CSMD1: variants seen among roughly 807,000 people sequenced by gnomAD.
The protein encoded by CSMD1 is CUB and sushi domain-containing protein 1.
Under a neutral mutation model 417.5 loss-of-function variants are expected in CSMD1, and 213 were observed. That is an observed-to-expected ratio of 0.51 (90% CI 0.46 to 0.57). The LOEUF (loss-of-function observed/expected upper bound fraction) is 0.57. Among genes scored for constraint, CSMD1 ranks in the 20% least tolerant of loss-of-function variants. The pLI is 0.00. For missense variants in CSMD1, 6,923 were observed against 4,529.7 expected (o/e 1.53, Z -15.17); for synonymous variants, 2,862 against 1,736.8 (o/e 1.65, Z -16.11).
rs537450583 is a variant in CSMD1 at position 4,372,732 on chromosome 8, A to C, written c.415+47221T>G. ...AGAGTTCTCACTGTCCAAACCTAGA[A>C]AATGGAGGCAAAAGAAAAAAAAAAA... On this transcript the variant is annotated intron_variant, in intron 3 of 69. Coordinates refer to ENST00000635120, the MANE Select transcript of CSMD1 (RefSeq NM_033225.6). 1.7e-4 allele frequency among the ~76,000 whole-genome samples: 22 copies of C among 132,606 alleles called. No homozygotes were observed. In the East Asian group the frequency reaches 4.4e-3, roughly 26 times the overall value. 87.0% of individuals were successfully genotyped at this position (132,606 alleles called of 152,430 possible).
At chr8:3,477,566 G>A (rs1315161371) in intron 11 of CSMD1, among the ~76,000 whole-genome samples, 1 of 152,162 alleles carries the variant, frequency 6.6e-6, no homozygotes, top group East Asian at 1.9e-4. Flanking sequence ...TTCCTCTTGA[G>A]GATGGAGTAA....
chr8:4,909,182 C>G (rs2028237), intron 1 of CSMD1, among the ~76,000 whole-genome samples: 36,519 of 152,030 alleles, frequency 0.24, 5,086 homozygotes, highest in East Asian at 0.52. Flanking sequence ...CTGTAATCCA[C>G]TCTTATAATG....
chr8:3,495,584 G>C (rs565405710), intron 10 of CSMD1, among the ~76,000 whole-genome samples: 2 of 152,342 alleles, frequency 1.3e-5, no homozygotes, highest in African/African-American at 4.8e-5. Flanking sequence ...CTGATGCTCA[G>C]TAAAAACAGA....
intron 8 of CSMD1, among the ~76,000 whole-genome samples, chr8:3,590,814 C>G (rs916511717): frequency 2.0e-5 from 3 of 152,022 alleles, no homozygotes; most frequent in Non-Finnish European, 4.4e-5. Context: ...TAAATAAGAC[C>G]CCAATTCTAA....
intron 11 of CSMD1, among the ~76,000 whole-genome samples, chr8:3,482,350 A>C (rs1024920027): frequency 1.3e-5 from 2 of 152,214 alleles, no homozygotes; most frequent in Non-Finnish European, 2.9e-5. Flanking sequence ...GTAAATATTA[A>C]TAATAAAAAG....
intron 2 of CSMD1, among the ~76,000 whole-genome samples, chr8:4,619,642 G>A (rs1300418019): frequency 1.3e-5 from 2 of 152,080 alleles, no homozygotes; most frequent in Non-Finnish European, 2.9e-5. Flanking sequence ...CTAGCCACAT[G>A]GGACGTCATA....
chr8:4,680,350 C>A (rs1237812789), intron 1 of CSMD1, among the ~76,000 whole-genome samples: 1 of 152,146 alleles, frequency 6.6e-6, no homozygotes, highest in Admixed American at 6.5e-5. Flanking sequence ...CTTAATTCAA[C>A]CTCGTATCTT....
chr8:4,383,208 C>G (rs925635347), intron 3 of CSMD1, among the ~76,000 whole-genome samples: 2 of 152,138 alleles, frequency 1.3e-5, no homozygotes, highest in Non-Finnish European at 2.9e-5. Flanking sequence ...TGAGTACTGA[C>G]CCAGTATGTT....
At chr8:3,257,298 C>G (rs186392676) in intron 26 of CSMD1, among the ~76,000 whole-genome samples, 3 of 152,146 alleles carry the variant, frequency 2.0e-5, no homozygotes, top group African/African-American at 4.8e-5. Context: ...CACTCCAGCC[C>G]GCGCTATAAG....
At chr8:4,941,533 C>T (rs66999695) in intron 1 of CSMD1, among the ~76,000 whole-genome samples, 77,804 of 151,828 alleles carry the variant, frequency 0.51, 21,178 homozygotes, top group East Asian at 0.79. Context: ...TGTGTTTCTT[C>T]TGCAGTCTTT....
chr8:4,298,062 T>C (rs1008445542), intron 3 of CSMD1, among the ~76,000 whole-genome samples: 3 of 152,118 alleles, frequency 2.0e-5, no homozygotes, highest in African/African-American at 7.2e-5. Flanking sequence ...TACCAGTACA[T>C]GCTAGCGTCT....
At chr8:4,648,483 A>T (rs1803678811) in intron 1 of CSMD1, among the ~76,000 whole-genome samples, 1 of 152,154 alleles carries the variant, frequency 6.6e-6, no homozygotes, top group Non-Finnish European at 1.5e-5. Flanking sequence ...CCATGCATGC[A>T]TGCACACAAA....
intron 1 of CSMD1, among the ~76,000 whole-genome samples, chr8:4,689,723 C>G (rs1199591417): frequency 6.6e-6 from 1 of 152,120 alleles, no homozygotes; most frequent in African/African-American, 2.4e-5. Context: ...TGCAGATCGT[C>G]TTTGGCTGCA....
At chr8:4,913,774 T>C (rs1285820337) in intron 1 of CSMD1, among the ~76,000 whole-genome samples, 1 of 151,922 alleles carries the variant, frequency 6.6e-6, no homozygotes, top group Non-Finnish European at 1.5e-5. Context: ...AATTAGGGAG[T>C]CACTGCCAAA....
chr8:4,969,533 T>G (rs1400099746), intron 1 of CSMD1, among the ~76,000 whole-genome samples: 1 of 151,502 alleles, frequency 6.6e-6, no homozygotes, highest in Non-Finnish European at 1.5e-5. Flanking sequence ...GACAGGCCAG[T>G]GTCTAGGAAA....
chr8:4,048,927 A>T (rs1563363689), intron 3 of CSMD1, among the ~76,000 whole-genome samples: 2 of 152,116 alleles, frequency 1.3e-5, no homozygotes, highest in Admixed American at 1.3e-4. Flanking sequence ...TCCAATTTCA[A>T]ATGCTGCAAA....
chr8:3,562,432 ACACGTG>A (rs1252336079), intron 10 of CSMD1, among the ~76,000 whole-genome samples: 7 of 113,634 alleles, frequency 6.2e-5, no homozygotes, highest in Non-Finnish European at 1.3e-4. Flanking sequence ...ACATGCACAC[ACACGTG>A]CACATACACA....
At chr8:4,974,690 G>C (rs1485077763) in intron 1 of CSMD1, among the ~76,000 whole-genome samples, 1 of 152,176 alleles carries the variant, frequency 6.6e-6, no homozygotes, top group Non-Finnish European at 1.5e-5. Flanking sequence ...AGACCTAAGA[G>C]TAAGACAGAT....
At chr8:3,555,174 A>G (rs1344824087) in intron 10 of CSMD1, among the ~76,000 whole-genome samples, 1 of 151,762 alleles carries the variant, frequency 6.6e-6, no homozygotes, top group Non-Finnish European at 1.5e-5. Flanking sequence ...GAATGGGGAG[A>G]AATGTGTCTG....
Sources: allele counts gnomAD v4.1 joint callset (sites outside exome capture counted in the v4.1 genomes callset), GRCh38; gene constraint gnomAD v4.1.1; transcripts MANE v1.5; gene names NCBI Gene and HGNC (gene_info 2026-07-23, HGNC 2026-07-21).